EYA4: variants seen among roughly 807,000 people sequenced by gnomAD.
The protein encoded by EYA4 is protein phosphatase EYA4.
Under a neutral mutation model 87.9 loss-of-function variants are expected in EYA4, and 31 were observed. The observed-to-expected ratio is 0.35, with a 90% confidence interval of 0.27 to 0.48. The LOEUF (loss-of-function observed/expected upper bound fraction) is 0.48. Ranked by LOEUF, EYA4 falls within the 20% of genes least tolerant of loss-of-function variation. The pLI is 0.99. For synonymous variants in EYA4, 263 were observed against 270.6 expected (o/e 0.97, Z 0.28); for missense variants, 678 against 761.4 (o/e 0.89, Z 1.29).
intron 14 of EYA4, among the ~76,000 whole-genome samples, chr6:133,506,913 G>T (rs1023185027): frequency 6.6e-6 from 1 of 152,078 alleles, no homozygotes; most frequent in African/African-American, 2.4e-5. Flanking sequence ...AATAGAATTC[G>T]AAATAACTAA....
In EYA4 at chr6:133,512,723, G is replaced by T. The variant is rs773085937; in HGVS notation, c.1284G>T (p.Glu428Asp). 6.2e-7 allele frequency: 1 copy of T among 1,609,810 alleles called. No homozygotes were observed. The highest frequency in any genetic ancestry group is 1.7e-5 in the Admixed American group (1 of 60,012). The change falls in exon 15 of 20, where the codon GAG (glutamate) becomes GAT (aspartate). Residue 428 changes from glutamate (E) to aspartate (D), a missense_variant and splice_region_variant. Physicochemically the swap from Glu to Asp is conservative, Grantham distance 45. Transcript: ENST00000355286. The stretch of plus-strand genomic sequence containing the variant: ...AACTTTTCCAATGTTTTTAACAGGA[G>T]TGTGATCAAGTTCATATAGATGATG... ...DTHLFFNDLE[E>D]CDQVHIDDVS...
At chr6:133,319,511 C>T (rs1316026199) in intron 2 of EYA4, among the ~76,000 whole-genome samples, 2 of 145,436 alleles carry the variant, frequency 1.4e-5, no homozygotes, top group Non-Finnish European at 3.0e-5. Context: ...GATAGTGTCC[C>T]TTTTTTTTTT....
chr6:133,299,935 C>CTATA lies in EYA4; in HGVS notation c.33+25125_33+25126insATAT, dbSNP rs1357039171. On this transcript the variant is annotated intron_variant, in intron 2 of 19. Transcript: ENST00000355286. The stretch of plus-strand genomic sequence containing the variant: ...TGTATATATAAAGATCTCTATCTAT[C>CTATA]TATCTATCTATCTATCTATCTATAT... Among the ~76,000 whole-genome samples the CTATA allele has an allele frequency of 7.0e-4, 88 of 125,242 alleles. 1 individual carries two copies. Among genetic ancestry groups the CTATA allele is most frequent in the South Asian group, 1.1e-3 (4 of 3,748 alleles). 82.2% of individuals were successfully genotyped at this position (125,242 alleles called of 152,430 possible).
chr6:133,336,942 C>G (rs372681317), intron 2 of EYA4, among the ~76,000 whole-genome samples: 1 of 150,180 alleles, frequency 6.7e-6, no homozygotes. Context: ...CTTGCTTCAC[C>G]CTATGCATCT....
chr6:133,481,773 A>G (rs930629578), intron 12 of EYA4, among the ~76,000 whole-genome samples, 174 bp downstream of exon 12: 1 of 152,222 alleles, frequency 6.6e-6, no homozygotes, highest in African/African-American at 2.4e-5. Context: ...GATTCCATCC[A>G]TTATAATATT....
chr6:133,349,265 T>C (rs1783450387), intron 2 of EYA4, among the ~76,000 whole-genome samples: 1 of 152,234 alleles, frequency 6.6e-6, no homozygotes, highest in Non-Finnish European at 1.5e-5. Context: ...CCTTACTTGC[T>C]TTACTTTGCC....
At chr6:133,489,964 CAT>C (rs148436901) in intron 13 of EYA4, among the ~76,000 whole-genome samples, 14,251 of 152,054 alleles carry the variant, frequency 0.094, 1,302 homozygotes, top group African/African-American at 0.22. Context: ...CTTTTCAAGA[CAT>C]AGTAAAATAG....
intron 11 of EYA4, among the ~76,000 whole-genome samples, chr6:133,476,673 C>G (rs1357186059): frequency 1.3e-5 from 2 of 152,084 alleles, no homozygotes; most frequent in African/African-American, 4.8e-5. Context: ...TAGGTTGACT[C>G]CATATCTTGG....
At chr6:133,266,903 A>G (rs1456956394) in intron 1 of EYA4, among the ~76,000 whole-genome samples, 1 of 152,168 alleles carries the variant, frequency 6.6e-6, no homozygotes, top group Non-Finnish European at 1.5e-5. Context: ...GTATGATTTC[A>G]TACATTATGT....
In EYA4 at chr6:133,470,572, G is replaced by A. The variant is rs1460971711; in HGVS notation, c.970+1841G>A. ...TGGCTTAGGAGTGACTTGGCAATGC[G>A]GGCTCTTTTTTGGTTCCATATGAAC... On this transcript the variant is annotated intron_variant, in intron 11 of 19. Coordinates refer to ENST00000355286, the MANE Select transcript of EYA4 (RefSeq NM_004100.5). Among the ~76,000 whole-genome samples, 2 of 41,792 alleles carry A rather than the reference G, an allele frequency of 4.8e-5. 1 individual carries two copies. Among genetic ancestry groups the A allele is most frequent in the South Asian group, 1.1e-3 (2 of 1,746 alleles). The allele number at this position is 41,792 out of a possible 152,430, so 27.4% of individuals were successfully genotyped here. A position where few individuals can be genotyped will look rare whatever the true frequency, so the allele number is the denominator to read the frequency against.
chr6:133,340,421 C>T (rs1327797674), intron 2 of EYA4, among the ~76,000 whole-genome samples: 1 of 151,984 alleles, frequency 6.6e-6, no homozygotes, highest in Non-Finnish European at 1.5e-5. Context: ...AATAAATGAA[C>T]AAAATATATG....
chr6:133,315,269 T>C (rs1246226943), intron 2 of EYA4, among the ~76,000 whole-genome samples: 2 of 152,192 alleles, frequency 1.3e-5, no homozygotes, highest in East Asian at 1.9e-4. Flanking sequence ...GTCTGTTTTT[T>C]ATAGAATATT....
At chr6:133,312,766 G>A (rs575947115) in intron 2 of EYA4, among the ~76,000 whole-genome samples, 38 of 152,138 alleles carry the variant, frequency 2.5e-4, no homozygotes, top group African/African-American at 8.9e-4. Flanking sequence ...TAGCTTCTTT[G>A]CTTCCATCCT....
chr6:133,506,274 G>T, intron 14 of EYA4, 79 bp downstream of exon 14: 6 of 784,574 alleles, frequency 7.6e-6, no homozygotes, highest in Non-Finnish European at 1.3e-5. Context: ...AGATAACCTC[G>T]AGAAAACAGA....
At chr6:133,367,140 C>A (rs1784910559) in intron 2 of EYA4, among the ~76,000 whole-genome samples, 1 of 152,098 alleles carries the variant, frequency 6.6e-6, no homozygotes, top group African/African-American at 2.4e-5. Flanking sequence ...ACCAAGTGCC[C>A]CCATAACCTG....
At chr6:133,420,238 T>G (rs1406640785) in intron 3 of EYA4, among the ~76,000 whole-genome samples, 4 of 152,156 alleles carry the variant, frequency 2.6e-5, no homozygotes, top group Non-Finnish European at 5.9e-5. Context: ...TGAACACTTA[T>G]TCAGTATCCC....
chr6:133,465,344 ATT>A (rs1794754595), intron 10 of EYA4, among the ~76,000 whole-genome samples: 2 of 152,014 alleles, frequency 1.3e-5, no homozygotes, highest in African/African-American at 4.8e-5. Context: ...CTTTTAAATA[ATT>A]TTTCTGTTTT....
chr6:133,455,811 C>T (rs574828197), intron 5 of EYA4, among the ~76,000 whole-genome samples: 11 of 152,092 alleles, frequency 7.2e-5, no homozygotes, highest in Non-Finnish European at 1.2e-4. Context: ...TTTATTCTCA[C>T]GCCCCATCAC....
chr6:133,464,112 A>G (rs1451780574), intron 9 of EYA4, among the ~76,000 whole-genome samples: 7 of 152,118 alleles, frequency 4.6e-5, no homozygotes, highest in African/African-American at 1.7e-4. Context: ...TGACAAGCAC[A>G]TTCCATAAGG....
Sources: gnomAD v4.1 joint callset for allele counts (sites outside exome capture counted in the v4.1 genomes callset) on GRCh38, gnomAD v4.1.1 for gene constraint, MANE v1.5 for transcripts, NCBI Gene and HGNC (gene_info 2026-07-23, HGNC 2026-07-21) for gene names.